FRMD4A: variants seen among roughly 807,000 people sequenced by gnomAD.
FRMD4A encodes the protein FERM domain containing 4A.
A neutral mutation model predicts 129.1 loss-of-function variants in FRMD4A; 29 were observed. That is an observed-to-expected ratio of 0.22 (90% confidence interval 0.17 to 0.31). FRMD4A has a LOEUF of 0.31. Ranked by LOEUF, FRMD4A falls within the 10% of genes least tolerant of loss-of-function variation. FRMD4A has a pLI of 1.00. For missense variants in FRMD4A, 1,272 were observed against 1,375.8 expected, an observed-to-expected ratio of 0.92 and a Z score of 1.19; for synonymous variants, 634 against 571.6, an observed-to-expected ratio of 1.11 and a Z score of -1.56.
intron 2 of FRMD4A, among the ~76,000 whole-genome samples, chr10:14,084,455 T>C (rs990208789): frequency 6.6e-6 from 1 of 152,218 alleles, no homozygotes; most frequent in Non-Finnish European, 1.5e-5. Context: ...CTGGGGTTTT[T>C]AATTAATATA....
At chr10:13,780,219 C>T (rs1030288221) in intron 6 of FRMD4A, among the ~76,000 whole-genome samples, 12 of 151,498 alleles carry the variant, frequency 7.9e-5, no homozygotes, top group Non-Finnish European at 7.4e-5. Context: ...CCCAGTTACT[C>T]GGGAGGCTGA....
intron 2 of FRMD4A, among the ~76,000 whole-genome samples, chr10:14,268,044 G>C (rs990866993): frequency 6.6e-6 from 1 of 152,058 alleles, no homozygotes; most frequent in Admixed American, 6.6e-5. Context: ...TGTGTTGCAG[G>C]CATCAAATGG....
Position 14,306,627 on chromosome 10 carries a change from C to G in FRMD4A, c.45+23431G>C, listed in dbSNP as rs545062676. 3.3e-5 allele frequency among the ~76,000 whole-genome samples: 5 copies of G among 152,276 alleles called. No individual in the cohort carries two copies. The South Asian group carries it at 8.3e-4, about 25-fold the overall frequency. On this transcript the variant is annotated intron_variant, in intron 2 of 24. Coordinates refer to ENST00000357447, the MANE Select transcript of FRMD4A (RefSeq NM_018027.5). ...TGGAAAAGAGTTTTGGGAGTCTGTT[C>G]TGATATTTTATGAAGTTCATTGTTT...
At chr10:13,688,295 CA>C (rs1419404554) in intron 15 of FRMD4A, among the ~76,000 whole-genome samples, 1 of 151,418 alleles carries the variant, frequency 6.6e-6, no homozygotes, top group Non-Finnish European at 1.5e-5. Flanking sequence ...ATAGCAAGCA[CA>C]AAAAACCAAA....
chr10:13,664,390 C>A (rs946479993), intron 18 of FRMD4A, among the ~76,000 whole-genome samples: 1 of 151,988 alleles, frequency 6.6e-6, no homozygotes, highest in Non-Finnish European at 1.5e-5. Flanking sequence ...GGGAGCTTTA[C>A]TAGGAGGTAG....
intron 2 of FRMD4A, among the ~76,000 whole-genome samples, chr10:14,127,985 TC>T (rs1283406861): frequency 5.2e-5 from 6 of 114,674 alleles, no homozygotes; most frequent in African/African-American, 2.6e-4. Context: ...TTTCCTTCTC[TC>T]TCTCTCTCTC....
chr10:13,885,438 A>C (rs936165565), intron 2 of FRMD4A, among the ~76,000 whole-genome samples: 1 of 152,202 alleles, frequency 6.6e-6, no homozygotes, highest in African/African-American at 2.4e-5. Context: ...GCCAGGTTGC[A>C]CCACACAGAT....
chr10:14,256,983 AT>A (rs1319653557), intron 2 of FRMD4A, among the ~76,000 whole-genome samples: 1 of 152,154 alleles, frequency 6.6e-6, no homozygotes, highest in Non-Finnish European at 1.5e-5. Flanking sequence ...GGGGAAAAAA[AT>A]TTATAGTGTA....
chr10:13,863,765 G>C (rs572353073), intron 2 of FRMD4A, among the ~76,000 whole-genome samples: 1 of 143,756 alleles, frequency 7.0e-6, no homozygotes, highest in East Asian at 2.0e-4. Context: ...TTTTTTTTCA[G>C]TTAAAAAAAG....
At chr10:13,952,825 C>A (rs1164719959) in intron 2 of FRMD4A, among the ~76,000 whole-genome samples, 1 of 152,126 alleles carries the variant, frequency 6.6e-6, no homozygotes, top group African/African-American at 2.4e-5. Context: ...TCCCGAGTAG[C>A]TGGGACCATG....
intron 2 of FRMD4A, among the ~76,000 whole-genome samples, chr10:14,202,682 T>G (rs940087453): frequency 2.0e-5 from 3 of 152,178 alleles, no homozygotes; most frequent in Admixed American, 6.5e-5. Context: ...ATTACAGGCA[T>G]GAGCCACCGC....
At chr10:13,728,853 TG>T (rs752546020) in intron 12 of FRMD4A, among the ~76,000 whole-genome samples, 65 of 152,230 alleles carry the variant, frequency 4.3e-4, no homozygotes, top group Non-Finnish European at 7.9e-4. Context: ...ATTACAGGTG[TG>T]AGCCACCGTG....
Position 13,884,142 on chromosome 10 carries a change from ACTCTCACACACT to A in FRMD4A, c.46-25242_46-25231del, listed in dbSNP as rs1177215267. On this transcript the variant is annotated intron_variant, in intron 2 of 24. Coordinates refer to ENST00000357447, the MANE Select transcript of FRMD4A (RefSeq NM_018027.5). The stretch of plus-strand genomic sequence containing the variant: ...CACACTCACACACACGCTCACACAC[ACTCTCACACACT>A]CTCACACACACACTCACACACTCAC... Among the ~76,000 whole-genome samples the A allele has an allele frequency of 3.4e-4, 10 of 29,568 alleles. 1 individual carries two copies. Among genetic ancestry groups the A allele is most frequent in the South Asian group, 1.9e-3 (1 of 514 alleles). The allele number at this position is 29,568 out of a possible 152,430, so 19.4% of individuals were successfully genotyped here.
At chr10:14,142,268 A>G (rs1277134149) in intron 2 of FRMD4A, among the ~76,000 whole-genome samples, 3 of 152,064 alleles carry the variant, frequency 2.0e-5, no homozygotes, top group African/African-American at 4.8e-5. Flanking sequence ...ATTTCTATAC[A>G]TGTTCTGGTG....
At chr10:14,260,850 A>G (rs1472302789) in intron 2 of FRMD4A, among the ~76,000 whole-genome samples, 1 of 152,360 alleles carries the variant, frequency 6.6e-6, no homozygotes, top group East Asian at 1.9e-4. Flanking sequence ...CCAAGGACCA[A>G]AGCAAACAGA....
At chr10:13,649,536 CTGAGAAAATGAAGCT>C (rs2081377135) in intron 24 of FRMD4A, 1 of 151,180 alleles carries the variant, frequency 6.6e-6, no homozygotes, top group African/African-American at 2.4e-5. Context: ...GCTCCTGCCT[CTGAGAAAATGAAGCT>C]GGAGGAAAAG....
At chr10:13,987,895 C>T (rs7918501) in intron 2 of FRMD4A, among the ~76,000 whole-genome samples, 52,019 of 151,920 alleles carry the variant, frequency 0.34, 9,582 homozygotes, top group East Asian at 0.72. Flanking sequence ...TAGGTCACAG[C>T]TGTAAAGGAA....
chr10:14,060,262 C>G (rs142306299), intron 2 of FRMD4A, among the ~76,000 whole-genome samples: 26 of 152,286 alleles, frequency 1.7e-4, no homozygotes, highest in African/African-American at 6.3e-4. Context: ...GGAACCTAGT[C>G]TAGGGAGGCA....
At chr10:14,188,383 G>A (rs1445270716) in intron 2 of FRMD4A, among the ~76,000 whole-genome samples, 1 of 152,050 alleles carries the variant, frequency 6.6e-6, no homozygotes, top group Non-Finnish European at 1.5e-5. Flanking sequence ...ATGTATAATA[G>A]CTTCTCATTA....
Sources: allele counts gnomAD v4.1 joint callset (sites outside exome capture counted in the v4.1 genomes callset), GRCh38; gene constraint gnomAD v4.1.1; transcripts MANE v1.5; gene names NCBI Gene and HGNC (gene_info 2026-07-23, HGNC 2026-07-21).